The following QTMAN variants were observed in gnomAD, a reference collection of about 807,000 sequenced individuals.
QTMAN encodes tRNA-queuosine alpha-mannosyltransferase.
the QTMAN span, among the ~76,000 whole-genome samples, chr2:144,250,499 T>C: frequency 4.6e-5 from 7 of 152,266 alleles, no homozygotes; most frequent in Admixed American, 3.3e-4. Flanking sequence ...AAAATTGATA[T>C]AAAAATATAT....
At chr2:144,270,684 T>C in the QTMAN span, among the ~76,000 whole-genome samples, 1 of 152,028 alleles carries the variant, frequency 6.6e-6, no homozygotes, top group African/African-American at 2.4e-5. Context: ...GGGATAGCAC[T>C]GGGAGAAATA....
At chr2:144,047,407 A>G in the QTMAN span, among the ~76,000 whole-genome samples, 1 of 152,248 alleles carries the variant, frequency 6.6e-6, no homozygotes, top group African/African-American at 2.4e-5. Flanking sequence ...GAAAGTAATA[A>G]GATAAAAAGA....
the QTMAN span, among the ~76,000 whole-genome samples, chr2:144,198,741 T>C: frequency 5.0e-3 from 765 of 152,264 alleles, 5 homozygotes; most frequent in African/African-American, 0.018. Flanking sequence ...ATGCTGCCCA[T>C]CACCTATAGT....
At chr2:144,044,753 A>C in the QTMAN span, among the ~76,000 whole-genome samples, 9 of 152,208 alleles carry the variant, frequency 5.9e-5, no homozygotes, top group Non-Finnish European at 1.2e-4. Flanking sequence ...AGATAATCAG[A>C]ATGAACAAAG....
At chr2:143,971,423 G>C in the QTMAN span, among the ~76,000 whole-genome samples, 1 of 152,094 alleles carries the variant, frequency 6.6e-6, no homozygotes, top group Admixed American at 6.5e-5. Flanking sequence ...TAGTAATAAA[G>C]ATAATTCTTT....
At chr2:143,947,864 AGAAGGAAG>A in the QTMAN span, among the ~76,000 whole-genome samples, 1 of 151,822 alleles carries the variant, frequency 6.6e-6, no homozygotes, top group Admixed American at 6.6e-5. Context: ...GAGGAGGTGA[AGAAGGAAG>A]GAAGGAAGGA....
the QTMAN span, among the ~76,000 whole-genome samples, chr2:144,285,439 T>C: frequency 2.0e-5 from 3 of 152,134 alleles, no homozygotes; most frequent in Non-Finnish European, 4.4e-5. Flanking sequence ...ACAAAACATA[T>C]CTATAAGGAA....
the QTMAN span, among the ~76,000 whole-genome samples, chr2:144,323,279 T>C: frequency 1.2e-4 from 19 of 152,202 alleles, no homozygotes; most frequent in Admixed American, 1.1e-3. Context: ...TTTTTGCACA[T>C]TTCGTATCTC....
At chr2:144,148,523 A>G in the QTMAN span, among the ~76,000 whole-genome samples, 1 of 151,880 alleles carries the variant, frequency 6.6e-6, no homozygotes, top group African/African-American at 2.4e-5. Context: ...AGTAGAAGAA[A>G]AAATTCTATA....
the QTMAN span, among the ~76,000 whole-genome samples, chr2:144,173,195 T>C: frequency 6.6e-6 from 1 of 152,168 alleles, no homozygotes; most frequent in South Asian, 2.1e-4. Flanking sequence ...GATACTCTCC[T>C]CATCTCTGGT....
the QTMAN span, among the ~76,000 whole-genome samples, chr2:144,209,750 T>C: frequency 3.3e-5 from 5 of 152,190 alleles, no homozygotes; most frequent in African/African-American, 9.6e-5. Context: ...CTGTAAGACA[T>C]AGGGGAAAAA....
At chr2:144,330,898 T>C in the QTMAN span, among the ~76,000 whole-genome samples, 1 of 152,212 alleles carries the variant, frequency 6.6e-6, no homozygotes, top group African/African-American at 2.4e-5. Flanking sequence ...TCCTTAAACA[T>C]CGAAAATTCT....
At chr2:144,225,649 T>C in the QTMAN span, among the ~76,000 whole-genome samples, 1 of 152,200 alleles carries the variant, frequency 6.6e-6, no homozygotes, top group African/African-American at 2.4e-5. Flanking sequence ...TGAAACCTTT[T>C]GCCTTCATGA....
the QTMAN span, among the ~76,000 whole-genome samples, chr2:144,139,841 T>C: frequency 6.6e-6 from 1 of 152,096 alleles, no homozygotes; most frequent in Non-Finnish European, 1.5e-5. Flanking sequence ...ATATCCATTA[T>C]ATTATATAGC....
At chr2:144,076,351 G>A in the QTMAN span, among the ~76,000 whole-genome samples, 5 of 152,194 alleles carry the variant, frequency 3.3e-5, no homozygotes, top group African/African-American at 7.2e-5. Context: ...TCTTGAGATA[G>A]GCAAGTGGTG....
the QTMAN span, among the ~76,000 whole-genome samples, chr2:144,287,917 C>T: frequency 2.0e-5 from 3 of 151,990 alleles, no homozygotes; most frequent in Admixed American, 2.0e-4. Flanking sequence ...TGCAGTGGTG[C>T]GATCTCGGCT....
the QTMAN span, among the ~76,000 whole-genome samples, chr2:144,287,307 C>T: frequency 1.2e-4 from 18 of 152,064 alleles, no homozygotes; most frequent in South Asian, 1.0e-3. Flanking sequence ...TGGTGGCGTG[C>T]GCCTGTAGTC....
At chr2:144,290,599 A>G in the QTMAN span, among the ~76,000 whole-genome samples, 1 of 152,180 alleles carries the variant, frequency 6.6e-6, no homozygotes, top group East Asian at 1.9e-4. Context: ...GCCCTACCCA[A>G]TCTGCCCATG....
chr2:143,992,402 G>C, the QTMAN span, among the ~76,000 whole-genome samples: 1 of 145,944 alleles, frequency 6.9e-6, no homozygotes, highest in Non-Finnish European at 1.5e-5. Context: ...CACTGCGGAA[G>C]GCCTCAGGGT....
Sources: allele counts gnomAD v4.1 joint callset (sites outside exome capture counted in the v4.1 genomes callset), GRCh38; gene constraint gnomAD v4.1.1; transcripts MANE v1.5; gene names NCBI Gene and HGNC (gene_info 2026-07-23, HGNC 2026-07-21).